The following FBXO31 variants were observed in gnomAD, a reference collection of about 807,000 sequenced individuals.
The protein encoded by FBXO31 is F-box protein 31.
Under a neutral mutation model 54.4 loss-of-function variants are expected in FBXO31, and 24 were observed. The ratio of observed to expected loss-of-function variants is 0.44; its 90% confidence interval spans 0.32 to 0.62. The LOEUF is 0.62. Ranked by LOEUF, FBXO31 falls within the 20% of genes least tolerant of loss-of-function variation. The pLI, the probability that FBXO31 is intolerant of heterozygous loss-of-function variation, is 0.05. For missense variants in FBXO31, 665 were observed against 787.1 expected, an observed-to-expected ratio of 0.84 and a Z score of 1.86; for synonymous variants, 388 against 335.6, an observed-to-expected ratio of 1.16 and a Z score of -1.71.
At chr16:87,367,697 C>T (rs764681214) in intron 1 of FBXO31, 3 of 152,190 alleles carry the variant, frequency 2.0e-5, no homozygotes, top group Admixed American at 2.0e-4. Flanking sequence ...GGGTGCTTCT[C>T]CTCTGACGCA....
Position 87,335,571 on chromosome 16 carries a change from C to T in FBXO31, c.843-114G>A, listed in dbSNP as rs1905023613. On this transcript the variant is annotated intron_variant, in intron 6 of 8. Coordinates refer to ENST00000311635, the MANE Select transcript of FBXO31 (RefSeq NM_024735.5). This position sits in a 1 kb window ranked among gnomAD's most constrained non-coding sequence, Gnocchi z 5.7. ...GCGGGGTAGGGCGGGCAGCTCAGCTCAACCAGGGCCAGGTGTCCACCAGGC... is the reference window on the plus strand; with the variant it reads ...GCGGGGTAGGGCGGGCAGCTCAGCTTAACCAGGGCCAGGTGTCCACCAGGC... 2 of 1,164,104 alleles carry T rather than the reference C, an allele frequency of 1.7e-6. No individual in the cohort carries two copies. Among genetic ancestry groups the T allele is most frequent in the Non-Finnish European group, 2.4e-6 (2 of 835,944 alleles). The allele number at this position is 1,164,104 out of a possible 1,614,324, so 72.1% of individuals were successfully genotyped here. A position where few individuals can be genotyped will look rare whatever the true frequency, so the allele number is the denominator to read the frequency against.
chr16:87,370,674 G>A (rs770728118), intron 1 of FBXO31, among the ~76,000 whole-genome samples: 17 of 152,156 alleles, frequency 1.1e-4, no homozygotes, highest in African/African-American at 9.7e-5. Context: ...CAGCCACTGC[G>A]GCCCCTGGGA....
chr16:87,378,757 C>G (rs913827526), intron 1 of FBXO31, among the ~76,000 whole-genome samples: 1 of 152,032 alleles, frequency 6.6e-6, no homozygotes, highest in Non-Finnish European at 1.5e-5. Context: ...GTCAGGAGAT[C>G]GAGACCAACC....
chr16:87,334,606 C>T (rs968429730), intron 7 of FBXO31, among the ~76,000 whole-genome samples: 4 of 152,340 alleles, frequency 2.6e-5, no homozygotes, highest in African/African-American at 4.8e-5. Flanking sequence ...GCTCGGGAGC[C>T]GAGCCCTGGG....
intron 3 of FBXO31, among the ~76,000 whole-genome samples, chr16:87,344,367 G>C (rs542563992): frequency 4.3e-4 from 66 of 152,376 alleles, no homozygotes; most frequent in Admixed American, 6.5e-4. Flanking sequence ...TGCGTTGCCC[G>C]TGCGATCTCG....
In FBXO31 at chr16:87,337,240, G is replaced by A. The variant is rs74867903; in HGVS notation, c.733-976C>T. Among the ~76,000 whole-genome samples, 651 of 152,296 alleles carry A rather than the reference G, an allele frequency of 4.3e-3. 6 individuals are homozygous for A. Among genetic ancestry groups the A allele is most frequent in the African/African-American group, 0.015 (623 of 41,554 alleles). ...CTTGGGAATAAATGTTACAAAATAC[G>A]TTTAAGATCTATTCTGAAAACCACT... On this transcript the variant is annotated intron_variant, in intron 5 of 8. Transcript: ENST00000311635.
chr16:87,385,475 G>C (rs1907297678), upstream of FBXO31, among the ~76,000 whole-genome samples: 1 of 145,636 alleles, frequency 6.9e-6, no homozygotes. Flanking sequence ...AAAAAAAATG[G>C]TTTCAACTAA....
intron 1 of FBXO31, among the ~76,000 whole-genome samples, chr16:87,365,787 C>T (rs951072376): frequency 2.6e-5 from 4 of 152,168 alleles, no homozygotes; most frequent in Non-Finnish European, 5.9e-5. Flanking sequence ...AATCCCAGCA[C>T]TTTGGGAGGC....
Position 87,329,238 on chromosome 16 carries a change from T to A in FBXO31, c.*2050A>T, listed in dbSNP as rs1904755647. Reference sequence around the variant, plus strand: ...CATGGAGAGACCCCCGCCCCCAACATACACACCAGAACCAGGAGCCACATG... The same window carrying A: ...CATGGAGAGACCCCCGCCCCCAACAAACACACCAGAACCAGGAGCCACATG... On this transcript the variant is annotated 3_prime_UTR_variant, in exon 9 of 9. Coordinates refer to ENST00000311635, the MANE Select transcript of FBXO31 (RefSeq NM_024735.5). 2 of 152,440 alleles carry A rather than the reference T, an allele frequency of 1.3e-5. No individual in the cohort carries two copies. Among genetic ancestry groups the A allele is most frequent in the African/African-American group, 4.8e-5 (2 of 41,422 alleles). 9.4% of individuals were successfully genotyped at this position (152,440 alleles called of 1,614,324 possible).
At chr16:87,342,684 G>A (rs951406365) in intron 5 of FBXO31, among the ~76,000 whole-genome samples, 193 bp downstream of exon 5, 3 of 152,218 alleles carry the variant, frequency 2.0e-5, no homozygotes, top group African/African-American at 7.2e-5. Flanking sequence ...CCGGCAACCT[G>A]CCCGCCCGCA....
At chr16:87,374,328 G>C (rs1906731126) in intron 1 of FBXO31, among the ~76,000 whole-genome samples, 1 of 152,002 alleles carries the variant, frequency 6.6e-6, no homozygotes, top group African/African-American at 2.4e-5. Context: ...GAACATCACA[G>C]CTTAGCCTAG....
chr16:87,357,250 A>C (rs571156445), intron 2 of FBXO31, among the ~76,000 whole-genome samples: 2 of 152,262 alleles, frequency 1.3e-5, no homozygotes, highest in Admixed American at 1.3e-4. Flanking sequence ...TCTCAAAAAA[A>C]AAAAGTGGAG....
intron 1 of FBXO31, among the ~76,000 whole-genome samples, chr16:87,368,442 T>C (rs1420485078): frequency 3.3e-5 from 5 of 152,142 alleles, no homozygotes. Context: ...TTCCAGCAAC[T>C]ATGCACCCTT....
chr16:87,385,395 T>C (rs1907293970), upstream of FBXO31, among the ~76,000 whole-genome samples: 1 of 151,548 alleles, frequency 6.6e-6, no homozygotes, highest in African/African-American at 2.4e-5. Flanking sequence ...GAGGCAGAGC[T>C]TGCAGTGAGC....
chr16:87,338,403 G>A lies in FBXO31; in HGVS notation c.733-2139C>T, dbSNP rs577963284. ...GCTGGCTGCTTGAAACAGGAGCATG[G>A]CCCATCCTCCCTTCTCTGCTCCTTT... On this transcript the variant is annotated intron_variant, in intron 5 of 8. Transcript: ENST00000311635. The surrounding 1 kb of genome is among the most constrained non-coding windows in gnomAD (Gnocchi z 4.3). Among the ~76,000 whole-genome samples the A allele has an allele frequency of 2.8e-5, 4 of 141,128 alleles. No homozygotes were observed. In the South Asian group the frequency reaches 8.5e-4, roughly 30 times the overall value. 92.6% of individuals were successfully genotyped at this position (141,128 alleles called of 152,430 possible). A position where few individuals can be genotyped will look rare whatever the true frequency, so the allele number is the denominator to read the frequency against.
chr16:87,343,458 AGGGCAGGGC>A (rs1230414271), intron 4 of FBXO31, 131 bp downstream of exon 4: 1 of 1,013,062 alleles, frequency 9.9e-7, no homozygotes, highest in Admixed American at 2.6e-5. Flanking sequence ...AATGCACAGC[AGGGCAGGGC>A]GGAGCCTCCC....
chr16:87,352,444 T>A (rs986986950), intron 2 of FBXO31, among the ~76,000 whole-genome samples: 1 of 151,072 alleles, frequency 6.6e-6, no homozygotes. Context: ...AAAAAGAAAA[T>A]AACATAACCA....
At chr16:87,354,022 T>G (rs2150681810) in intron 2 of FBXO31, among the ~76,000 whole-genome samples, 1 of 152,382 alleles carries the variant, frequency 6.6e-6, no homozygotes, top group South Asian at 2.1e-4. Flanking sequence ...CTGCCTCATG[T>G]GCGCCTGCTC....
intron 1 of FBXO31, among the ~76,000 whole-genome samples, chr16:87,365,845 T>C (rs1906344926): frequency 6.6e-6 from 1 of 152,042 alleles, no homozygotes; most frequent in South Asian, 2.1e-4. Flanking sequence ...CTGGCCAACA[T>C]GATGAAACCC....
Sources: allele counts gnomAD v4.1 joint callset (sites outside exome capture counted in the v4.1 genomes callset), GRCh38; gene constraint gnomAD v4.1.1; non-coding constraint Gnocchi (gnomAD v3.1); transcripts MANE v1.5; gene names NCBI Gene and HGNC (gene_info 2026-07-23, HGNC 2026-07-21).